Variants in EYS observed in about 807,000 individuals in gnomAD.
EYS encodes the protein EGF-like photoreceptor maintenance factor.
Under a neutral mutation model 282.1 loss-of-function variants are expected in EYS, and 250 were observed. That is an observed-to-expected ratio of 0.89 (90% CI 0.80 to 0.98). EYS has a LOEUF of 0.98. EYS is among the 50% of genes least tolerant of loss of function. The probability of loss-of-function intolerance (pLI) is 0.00; values close to 1 mark genes in which losing one functional copy is unlikely to be tolerated. For synonymous variants in EYS, 1,355 were observed against 1,282.9 expected (o/e 1.06, Z -1.20); for missense variants, 4,016 against 3,709.0 (o/e 1.08, Z -2.15).
intron 36 of EYS, among the ~76,000 whole-genome samples, chr6:63,839,712 C>T (rs1325614662): frequency 6.6e-6 from 1 of 152,118 alleles, no homozygotes; most frequent in Non-Finnish European, 1.5e-5. Flanking sequence ...TGACACACTG[C>T]TTTCCTTTCT....
chr6:64,363,659 A>G (rs1167105650), intron 29 of EYS, among the ~76,000 whole-genome samples: 2 of 151,896 alleles, frequency 1.3e-5, no homozygotes, highest in Non-Finnish European at 2.9e-5. Flanking sequence ...GTTTACTATT[A>G]TTTCATTAAA....
intron 35 of EYS, among the ~76,000 whole-genome samples, chr6:63,954,839 C>A (rs1324555423): frequency 6.6e-6 from 1 of 151,968 alleles, no homozygotes; most frequent in Non-Finnish European, 1.5e-5. Flanking sequence ...TAACCTCTTC[C>A]ATGTAGGTTA....
chr6:63,946,726 A>AT (rs10580253), intron 35 of EYS, among the ~76,000 whole-genome samples: 1,688 of 135,626 alleles, frequency 0.012, 15 homozygotes, highest in Middle Eastern at 0.056. Context: ...TTTATGAACT[A>AT]TTTTTTTTTT....
At chr6:64,139,880 A>G (rs569362303) in intron 31 of EYS, among the ~76,000 whole-genome samples, 35 of 151,972 alleles carry the variant, frequency 2.3e-4, no homozygotes, top group African/African-American at 6.8e-4. Context: ...GAGGCAGAGA[A>G]TTGCTTGAAC....
In EYS at chr6:65,405,381, C is replaced by CAA; in HGVS notation, c.863-15_863-14insTT. On this transcript the variant is annotated splice_polypyrimidine_tract_variant and intron_variant, in intron 5 of 42. Coordinates refer to ENST00000503581, the MANE Select transcript of EYS (RefSeq NM_001142800.2). ...CACAGAATGGACCTTAAAAAAATCA[C>CAA]ACACAAGAAAAAAAAAGAAAAGGAA... is the stretch of plus-strand genomic sequence containing the variant. 3 of 1,482,868 alleles carry CAA rather than the reference C, an allele frequency of 2.0e-6. No homozygotes were observed. Among genetic ancestry groups the CAA allele is most frequent in the Non-Finnish European group, 2.7e-6 (3 of 1,106,596 alleles). The allele number at this position is 1,482,868 out of a possible 1,614,324, so 91.9% of individuals were successfully genotyped here. A position where few individuals can be genotyped will look rare whatever the true frequency, so the allele number is the denominator to read the frequency against.
chr6:65,627,803 G>A (rs1339599000), intron 2 of EYS, among the ~76,000 whole-genome samples: 4 of 152,210 alleles, frequency 2.6e-5, no homozygotes, highest in Admixed American at 6.5e-5. Flanking sequence ...GGGACCTGCA[G>A]CCCGCCATGC....
intron 16 of EYS, among the ~76,000 whole-genome samples, chr6:64,909,047 A>G (rs1270233712): frequency 6.6e-6 from 1 of 152,102 alleles, no homozygotes; most frequent in African/African-American, 2.4e-5. Context: ...GCCTCCTGTC[A>G]CTATCAAAAG....
intron 31 of EYS, among the ~76,000 whole-genome samples, chr6:64,133,968 T>TAAAGCTTGAGCC (rs1433033510): frequency 6.6e-6 from 1 of 152,196 alleles, no homozygotes; most frequent in East Asian, 1.9e-4. Context: ...ATCTTTGAGC[T>TAAAGCTTGAGCC]AAAGCTTGAG....
chr6:64,208,228 G>A (rs185285395), intron 31 of EYS, among the ~76,000 whole-genome samples: 450 of 152,158 alleles, frequency 3.0e-3, no homozygotes, highest in Middle Eastern at 0.017. Flanking sequence ...TTATATAACC[G>A]GTATTTATAG....
At chr6:64,945,968 T>C in intron 14 of EYS, 54 bp from the exon 15 acceptor site, 1 of 1,339,860 alleles carries the variant, frequency 7.5e-7, no homozygotes, top group Non-Finnish European at 1.0e-6. Context: ...ATTAAGCCTA[T>C]AATACAGATA....
intron 12 of EYS, among the ~76,000 whole-genome samples, chr6:65,294,017 G>A (rs1038350164): frequency 4.6e-5 from 7 of 151,768 alleles, no homozygotes; most frequent in African/African-American, 1.7e-4. Flanking sequence ...AGACAGCAAG[G>A]AGAAATCAAA....
At chr6:64,129,131 C>G (rs1773882040) in intron 31 of EYS, among the ~76,000 whole-genome samples, 1 of 152,184 alleles carries the variant, frequency 6.6e-6, no homozygotes, top group African/African-American at 2.4e-5. Context: ...GTAGTTGGAA[C>G]AGAGGTTGTA....
At chr6:65,092,747 A>T (rs1417638609) in intron 12 of EYS, among the ~76,000 whole-genome samples, 1 of 152,174 alleles carries the variant, frequency 6.6e-6, no homozygotes, top group African/African-American at 2.4e-5. Flanking sequence ...CAGCGCAGGA[A>T]GATCTAACAC....
chr6:64,793,994 A>AT (rs1304957046), intron 22 of EYS, among the ~76,000 whole-genome samples: 2 of 151,766 alleles, frequency 1.3e-5, no homozygotes, highest in Non-Finnish European at 2.9e-5. Flanking sequence ...GCAGCTCCCC[A>AT]TTTTTTCCTT....
chr6:64,420,542 G>C (rs1170940135), intron 28 of EYS, among the ~76,000 whole-genome samples: 1 of 152,118 alleles, frequency 6.6e-6, no homozygotes, highest in African/African-American at 2.4e-5. Flanking sequence ...AAACTGCCAA[G>C]ATTTGGAGCT....
chr6:65,274,197 C>T (rs1582089085), intron 12 of EYS, among the ~76,000 whole-genome samples: 8 of 152,264 alleles, frequency 5.3e-5, no homozygotes, highest in African/African-American at 1.9e-4. Context: ...GTGGAAGCCA[C>T]TAGAACTATC....
intron 31 of EYS, among the ~76,000 whole-genome samples, chr6:64,195,280 T>A (rs1229970260): frequency 6.6e-6 from 1 of 152,202 alleles, no homozygotes; most frequent in Non-Finnish European, 1.5e-5. Context: ...AAAATGCAAT[T>A]CAATGGCTTT....
In EYS at chr6:64,772,119, A is replaced by G. The variant is rs1180655011; in HGVS notation, c.3443+41259T>C. Among the ~76,000 whole-genome samples, 3 of 151,862 alleles carry G rather than the reference A, an allele frequency of 2.0e-5. No individual in the cohort carries two copies. In the East Asian group the frequency reaches 5.8e-4, roughly 29 times the overall value. On this transcript the variant is annotated intron_variant, in intron 22 of 42. Transcript: ENST00000503581. ...GACCAACAATTAATTTTATAAAAAT[A>G]TATCTTTATTCATCTTTTTGAGAAT...
At chr6:65,128,146 T>G (rs1775772284) in intron 12 of EYS, among the ~76,000 whole-genome samples, 1 of 151,926 alleles carries the variant, frequency 6.6e-6, no homozygotes, top group South Asian at 2.1e-4. Flanking sequence ...GGTCTAATTT[T>G]TACAGCAGCT....
Sources: gnomAD v4.1 joint callset for allele counts (sites outside exome capture counted in the v4.1 genomes callset) on GRCh38, gnomAD v4.1.1 for gene constraint, MANE v1.5 for transcripts, NCBI Gene and HGNC (gene_info 2026-07-23, HGNC 2026-07-21) for gene names.